ARHGAP22: variants seen among roughly 807,000 people sequenced by gnomAD.
ARHGAP22 encodes rho GTPase-activating protein 22.
In ARHGAP22, 48 loss-of-function variants were observed where a neutral mutation model predicts 59.1. The observed-to-expected ratio is 0.81, with a 90% CI of 0.64 to 1.03. The LOEUF (loss-of-function observed/expected upper bound fraction) is 1.03. Among genes scored for constraint, ARHGAP22 ranks in the 50% least tolerant of loss-of-function variants. ARHGAP22 has a pLI of 0.00. For missense variants in ARHGAP22, 1,015 were observed against 958.7 expected (o/e 1.06, Z -0.78); for synonymous variants, 445 against 416.4 (o/e 1.07, Z -0.84).
chr10:48,452,721 C>T lies in ARHGAP22; in HGVS notation c.988+583G>A, dbSNP rs114205664. Among the ~76,000 whole-genome samples, 187 of 152,322 alleles carry T rather than the reference C, an allele frequency of 1.2e-3. 1 individual carries two copies. Among genetic ancestry groups the T allele is most frequent in the African/African-American group, 4.4e-3 (184 of 41,570 alleles). On this transcript the variant is annotated intron_variant, in intron 8 of 9. Transcript: ENST00000249601. ...TCTGGCTGACTGGCCTCTGGTGAGT[C>T]CCCTCGCCTCTCTTGGCCTCAGTTT...
In ARHGAP22 at chr10:48,479,654, A is replaced by G. The variant is rs781258888; in HGVS notation, c.433T>C (p.Trp145Arg). 6.2e-7 allele frequency: 1 copy of G among 1,613,770 alleles called. No homozygotes were observed. Among genetic ancestry groups the G allele is most frequent in the South Asian group, 1.1e-5 (1 of 91,030 alleles). ...DWVQAIRRVI[W>R]APLGGGIFGQ... The stretch of plus-strand genomic sequence containing the variant: ...GCAGTACCTCCGCCCAGCGGGGCCC[A>G]GATGACTCGGCGGATGGCCTGCACC... Residue 145 changes from tryptophan (W) to arginine (R), a missense_variant, in exon 4 of 10, where the codon TGG becomes CGG. Trp to Arg is a moderately radical substitution (Grantham distance 101). Transcript: ENST00000249601.
At chr10:48,531,412 C>T (rs1050215243) in intron 3 of ARHGAP22, among the ~76,000 whole-genome samples, 5 of 152,138 alleles carry the variant, frequency 3.3e-5, no homozygotes, top group Non-Finnish European at 7.3e-5. Context: ...CCCCCAAAAC[C>T]TATTGAAATA....
intron 3 of ARHGAP22, among the ~76,000 whole-genome samples, chr10:48,496,650 G>T (rs1417736822): frequency 6.6e-6 from 1 of 152,158 alleles, no homozygotes; most frequent in African/African-American, 2.4e-5. Flanking sequence ...GTCCCCGGGT[G>T]CCTGCTGAAC....
the ARHGAP22 span, chr10:48,434,837 C>G: frequency 1.9e-6 from 3 of 1,547,258 alleles, no homozygotes; most frequent in Non-Finnish European, 2.6e-6. Context: ...GTAGCTTGAT[C>G]TGCAGCTGTC....
At chr10:48,516,351 C>T (rs2053285935) in intron 3 of ARHGAP22, among the ~76,000 whole-genome samples, 1 of 151,884 alleles carries the variant, frequency 6.6e-6, no homozygotes, top group Admixed American at 6.6e-5. Context: ...ACAATGAGAC[C>T]CCATCTCTAA....
intron 2 of ARHGAP22, among the ~76,000 whole-genome samples, chr10:48,558,978 T>C (rs1312634342): frequency 6.6e-6 from 1 of 152,230 alleles, no homozygotes; most frequent in Non-Finnish European, 1.5e-5. Context: ...TCTGGCCCCA[T>C]GGCCTTTGAG....
At chr10:48,602,808 C>T (rs11595921) in intron 1 of ARHGAP22, among the ~76,000 whole-genome samples, 26,754 of 152,150 alleles carry the variant, frequency 0.18, 3,092 homozygotes, top group Middle Eastern at 0.34. Flanking sequence ...ATGGTAAATA[C>T]CATAAAGAAA....
At chr10:48,436,078 T>A in the ARHGAP22 span, 1 of 152,220 alleles carries the variant, frequency 6.6e-6, no homozygotes, top group Non-Finnish European at 1.5e-5. Context: ...GCATAATCAT[T>A]TATACGAGCT....
chr10:48,448,749 C>A (rs1255146429), intron 9 of ARHGAP22, among the ~76,000 whole-genome samples: 1 of 152,208 alleles, frequency 6.6e-6, no homozygotes, highest in Non-Finnish European at 1.5e-5. Context: ...AGACAACGAC[C>A]CAGACCACTC....
At chr10:48,629,096 G>A (rs576528089) in intron 1 of ARHGAP22, among the ~76,000 whole-genome samples, 3 of 152,352 alleles carry the variant, frequency 2.0e-5, no homozygotes, top group Admixed American at 1.3e-4. Flanking sequence ...GCTCCCAGCT[G>A]CTAACACCCA....
chr10:48,556,528 G>C (rs183414795), intron 2 of ARHGAP22: 1 of 152,320 alleles, frequency 6.6e-6, no homozygotes, highest in East Asian at 1.9e-4. Flanking sequence ...CTCTCAATGG[G>C]AAACGCATTT....
intron 3 of ARHGAP22, among the ~76,000 whole-genome samples, chr10:48,534,713 G>A (rs1432843480): frequency 6.6e-6 from 1 of 152,236 alleles, no homozygotes; most frequent in Non-Finnish European, 1.5e-5. Flanking sequence ...ACTAAGGCTT[G>A]AAGTGGTTAA....
intron 4 of ARHGAP22, among the ~76,000 whole-genome samples, chr10:48,472,861 G>A (rs1004987088): frequency 3.4e-4 from 51 of 152,156 alleles, no homozygotes; most frequent in Admixed American, 3.0e-3. Context: ...TGGTGAGGAT[G>A]TAGATGAACT....
At chr10:48,655,252 T>G (rs111531262), upstream of ARHGAP22, among the ~76,000 whole-genome samples, 23 of 2,344 alleles carry the variant, frequency 9.8e-3, no homozygotes, top group Admixed American at 0.028. Flanking sequence ...TGTGTGTGTG[T>G]GTGTGGGGGG....
intron 1 of ARHGAP22, among the ~76,000 whole-genome samples, chr10:48,587,919 G>A (rs575185713): frequency 2.3e-4 from 35 of 152,332 alleles, no homozygotes; most frequent in African/African-American, 3.8e-4. Context: ...CTGTCCCAGC[G>A]GTGGACAATG....
chr10:48,583,138 G>A lies in ARHGAP22; in HGVS notation c.49C>T (p.Leu17=). 6.2e-7 allele frequency: 1 copy of A among 1,614,058 alleles called. No individual in the cohort carries two copies. The highest frequency in any genetic ancestry group is 8.5e-7 in the Non-Finnish European group (1 of 1,179,982). Residue 17 remains leucine, a synonymous_variant, in exon 2 of 10, where the codon CTA becomes TTA. Transcript: ENST00000249601. ...RQARRARSKS[L]VMGEQSRSPG... ...CTCCGGCTCTGCTCCCCCATCACTA[G>A]GCTTTTGGAGCGGGCTGAAAGCCAA...
At chr10:48,577,935 A>T (rs2058854175) in intron 2 of ARHGAP22, among the ~76,000 whole-genome samples, 1 of 148,364 alleles carries the variant, frequency 6.7e-6, no homozygotes, top group African/African-American at 2.5e-5. Flanking sequence ...CAGCCTCCCG[A>T]GTAGCTGGGA....
At chr10:48,449,073 C>T (rs781351766) in intron 9 of ARHGAP22, among the ~76,000 whole-genome samples, 2 of 152,200 alleles carry the variant, frequency 1.3e-5, no homozygotes, top group African/African-American at 2.4e-5. Context: ...GAGCTCCAGG[C>T]ACTCAGCACA....
intron 3 of ARHGAP22, chr10:48,510,591 T>G (rs1284655764): frequency 6.6e-6 from 1 of 152,208 alleles, no homozygotes; most frequent in Non-Finnish European, 1.5e-5. Flanking sequence ...CTTGAGTAAC[T>G]CTTGTATGTA....
Sources: allele counts gnomAD v4.1 joint callset (sites outside exome capture counted in the v4.1 genomes callset), GRCh38; gene constraint gnomAD v4.1.1; transcripts MANE v1.5; gene names NCBI Gene and HGNC (gene_info 2026-07-23, HGNC 2026-07-21).